TMEM163: variants seen among roughly 807,000 people sequenced by gnomAD.
TMEM163 encodes the protein transmembrane protein 163.
A neutral mutation model predicts 29.3 loss-of-function variants in TMEM163; 17 were observed. That is an observed-to-expected ratio of 0.58 (90% CI 0.40 to 0.87). The LOEUF (loss-of-function observed/expected upper bound fraction) is 0.87, where lower values mean the gene tolerates loss of function less well. Ranked by LOEUF, TMEM163 falls within the 40% of genes least tolerant of loss-of-function variation. The probability of loss-of-function intolerance (pLI) is 0.00; values close to 1 mark genes in which losing one functional copy is unlikely to be tolerated. For synonymous variants in TMEM163, 157 were observed against 160.6 expected, an observed-to-expected ratio of 0.98 and a Z score of 0.17; for missense variants, 303 against 381.5, an observed-to-expected ratio of 0.79 and a Z score of 1.71.
chr2:134,563,848 A>T (rs755509419), intron 2 of TMEM163, among the ~76,000 whole-genome samples: 9 of 152,220 alleles, frequency 5.9e-5, no homozygotes, highest in Non-Finnish European at 1.2e-4. Flanking sequence ...TAAGGTCAGG[A>T]GTTCGAGACC....
At chr2:134,531,150 A>AT (rs1574212281) in intron 4 of TMEM163, among the ~76,000 whole-genome samples, 2 of 152,154 alleles carry the variant, frequency 1.3e-5, no homozygotes, top group East Asian at 1.9e-4. Flanking sequence ...GTCCCTAAGG[A>AT]TTTTTTCATG....
intron 2 of TMEM163, among the ~76,000 whole-genome samples, chr2:134,624,563 C>A (rs532666826): frequency 6.6e-6 from 1 of 152,116 alleles, no homozygotes; most frequent in African/African-American, 2.4e-5. Flanking sequence ...ACATAGTTTA[C>A]CTATGGAACA....
intron 2 of TMEM163, among the ~76,000 whole-genome samples, chr2:134,603,842 AAGGGGAGGGG>A (rs968503070): frequency 8.1e-5 from 4 of 49,630 alleles, no homozygotes; most frequent in Non-Finnish European, 1.6e-4. Context: ...GGGGTGGGGG[AAGGGGAGGGG>A]AGGGGAGGGA....
chr2:134,599,394 T>A (rs894541211), intron 2 of TMEM163, among the ~76,000 whole-genome samples: 3 of 152,110 alleles, frequency 2.0e-5, no homozygotes, highest in African/African-American at 7.2e-5. Context: ...GGTAGGTGAT[T>A]AGGTCATGAG....
intron 2 of TMEM163, among the ~76,000 whole-genome samples, chr2:134,608,705 G>C (rs1247370408): frequency 1.1e-5 from 1 of 92,658 alleles, no homozygotes; most frequent in Non-Finnish European, 2.4e-5. Context: ...CTGTGCTGGT[G>C]AAAAGGACAG....
chr2:134,707,424 A>G (rs1372226462), intron 2 of TMEM163, among the ~76,000 whole-genome samples: 1 of 152,244 alleles, frequency 6.6e-6, no homozygotes, highest in Admixed American at 6.5e-5. Context: ...AGGACGGGAC[A>G]GAGATTTGGA....
intron 2 of TMEM163, among the ~76,000 whole-genome samples, chr2:134,582,220 G>A (rs1447720617): frequency 6.6e-6 from 1 of 152,168 alleles, no homozygotes; most frequent in Non-Finnish European, 1.5e-5. Context: ...TTGCAAAATT[G>A]TTTTCTCATC....
At chr2:134,477,542 A>G (rs1686945463) in intron 5 of TMEM163, among the ~76,000 whole-genome samples, 1 of 152,240 alleles carries the variant, frequency 6.6e-6, no homozygotes, top group Admixed American at 6.5e-5. Flanking sequence ...AAATACTTCA[A>G]TCAATGACAT....
At chr2:134,509,519 G>A (rs1476357597) in intron 4 of TMEM163, among the ~76,000 whole-genome samples, 2 of 152,310 alleles carry the variant, frequency 1.3e-5, no homozygotes, top group Admixed American at 6.5e-5. Context: ...TCTCTCTCTT[G>A]TTTTCATCTA....
At chr2:134,629,311 T>C (rs1198462462) in intron 2 of TMEM163, among the ~76,000 whole-genome samples, 4 of 152,218 alleles carry the variant, frequency 2.6e-5, no homozygotes, top group Admixed American at 2.0e-4. Flanking sequence ...TGTAGGTGTA[T>C]TTGTAATATA....
intron 2 of TMEM163, among the ~76,000 whole-genome samples, chr2:134,676,559 T>G (rs993173666): frequency 1.3e-5 from 2 of 152,164 alleles, no homozygotes; most frequent in Admixed American, 1.3e-4. Flanking sequence ...TGGTTTTTAG[T>G]GTATTCAGAA....
intron 2 of TMEM163, among the ~76,000 whole-genome samples, chr2:134,706,046 GC>G (rs1368937077): frequency 5.9e-5 from 9 of 152,214 alleles, no homozygotes; most frequent in African/African-American, 2.2e-4. Flanking sequence ...GGGAGGCAGG[GC>G]AGGCAGGCAG....
chr2:134,501,409 G>A (rs969735280), intron 5 of TMEM163, among the ~76,000 whole-genome samples: 12 of 152,194 alleles, frequency 7.9e-5, no homozygotes, highest in South Asian at 2.1e-4. Context: ...TACAAGGGCC[G>A]TGAGCACAGC....
chr2:134,554,720 C>T (rs1181618523), intron 2 of TMEM163, among the ~76,000 whole-genome samples: 1 of 152,108 alleles, frequency 6.6e-6, no homozygotes, highest in Non-Finnish European at 1.5e-5. Flanking sequence ...GGGGTGTCCC[C>T]GACTCAATTG....
At chr2:134,657,103 A>T (rs1277781575) in intron 2 of TMEM163, among the ~76,000 whole-genome samples, 1 of 152,146 alleles carries the variant, frequency 6.6e-6, no homozygotes, top group Non-Finnish European at 1.5e-5. Context: ...TGCTGGTTTC[A>T]CAGAATGAGT....
intron 1 of TMEM163, 109 bp downstream of exon 1, chr2:134,718,625 C>A: frequency 1.2e-6 from 1 of 850,562 alleles, no homozygotes; most frequent in Non-Finnish European, 1.5e-6. Context: ...GCTCCGCGCC[C>A]CCGCGCGCTC....
chr2:134,640,501 G>A (rs1020574028), intron 2 of TMEM163, among the ~76,000 whole-genome samples: 5 of 152,012 alleles, frequency 3.3e-5, no homozygotes, highest in African/African-American at 1.2e-4. Flanking sequence ...AAGCAAAATG[G>A]CATTGGTACA....
chr2:134,617,477 C>T (rs1339201539), intron 2 of TMEM163, among the ~76,000 whole-genome samples: 2 of 151,954 alleles, frequency 1.3e-5, no homozygotes, highest in African/African-American at 4.8e-5. Context: ...TGGCGGGCAC[C>T]TGTAATCCCA....
At chr2:134,601,682 G>C (rs1682238781) in intron 2 of TMEM163, among the ~76,000 whole-genome samples, 2 of 152,188 alleles carry the variant, frequency 1.3e-5, no homozygotes, top group Admixed American at 1.3e-4. Context: ...GGCACTGTGT[G>C]TTCAAGACAC....
Sources: allele counts gnomAD v4.1 joint callset (sites outside exome capture counted in the v4.1 genomes callset), GRCh38; gene constraint gnomAD v4.1.1; transcripts MANE v1.5; gene names NCBI Gene and HGNC (gene_info 2026-07-23, HGNC 2026-07-21).